The following BIN2 variants were observed in gnomAD, a reference collection of about 807,000 sequenced individuals.
BIN2 encodes breast cancer associated protein BRAP1.
A neutral mutation model predicts 67.9 loss-of-function variants in BIN2; 43 were observed. The observed-to-expected ratio is 0.63, with a 90% CI of 0.50 to 0.82. The LOEUF (loss-of-function observed/expected upper bound fraction) is 0.82, where lower values mean the gene tolerates loss of function less well. BIN2 is among the 40% of genes least tolerant of loss of function. BIN2 has a pLI of 0.00. For synonymous variants in BIN2, 244 were observed against 246.8 expected (o/e 0.99, Z 0.11); for missense variants, 581 against 671.6 (o/e 0.87, Z 1.49).
chr12:51,284,248 C>T (rs77372820), intron 12 of BIN2, among the ~76,000 whole-genome samples: 3 of 152,098 alleles, frequency 2.0e-5, no homozygotes, highest in Admixed American at 6.6e-5. Flanking sequence ...ATATTAACCA[C>T]TGTGTCACAG....
rs1393197417 is a variant in BIN2 at position 51,292,236 on chromosome 12, A to T, written c.870T>A (p.Ser290Arg). 6.2e-7 allele frequency: 1 copy of T among 1,606,708 alleles called. No homozygotes were observed. Among genetic ancestry groups the T allele is most frequent in the African/African-American group, 1.3e-5 (1 of 74,786 alleles). The change falls in exon 10 of 13, where the codon AGT (serine) becomes AGA (arginine). Residue 290 changes from serine (S) to arginine (R), a missense_variant. Coordinates refer to ENST00000615107, the MANE Select transcript of BIN2 (RefSeq NM_016293.4). ...SPSTLSLKSE[S>R]ESVSATEDLA... ...GATCTTCAGTTGCTGAGACAGATTCACTCTCACTCTTCAAGGAAAGTGTAG... is the reference window on the plus strand; with the variant it reads ...GATCTTCAGTTGCTGAGACAGATTCTCTCTCACTCTTCAAGGAAAGTGTAG...
chr12:51,297,379 T>C (rs763634686), intron 7 of BIN2: 49 of 381,044 alleles, frequency 1.3e-4, no homozygotes, highest in East Asian at 4.4e-4. Flanking sequence ...CCATCCTGGC[T>C]AACATGGTAA....
Position 51,299,710 on chromosome 12 carries a change from C to G in BIN2, c.413G>C (p.Arg138Thr), listed in dbSNP as rs774523510. 1 of 1,614,076 alleles carries G rather than the reference C, an allele frequency of 6.2e-7. No homozygotes were observed. Residue 138 changes from arginine (R) to threonine (T), a missense_variant, in exon 6 of 13, where the codon AGA becomes ACA. Physicochemically the swap from Arg to Thr is moderately conservative, Grantham distance 71 (BLOSUM62 -1). Transcript: ENST00000615107. ...GAGTTTCCGACCCCGCTTGGCAATT[C>G]TCTCCTGACCCAGGGTAATGAGAAA... ...YVAQFSEIKE[R>T]IAKRGRKLVD...
At chr12:51,284,885 A>G (rs1355162673) in intron 11 of BIN2, 98 bp from the exon 12 acceptor site, 10 of 912,694 alleles carry the variant, frequency 1.1e-5, no homozygotes, top group Non-Finnish European at 1.8e-5. Flanking sequence ...CAAGGGTCTC[A>G]GTATTTGTAC....
intron 9 of BIN2, among the ~76,000 whole-genome samples, 159 bp downstream of exon 9, chr12:51,295,637 A>G (rs1945545582): frequency 7.1e-6 from 1 of 141,468 alleles, no homozygotes; most frequent in Non-Finnish European, 1.5e-5. Flanking sequence ...TATATTTAGT[A>G]AAAAGCAAAA....
intron 10 of BIN2, 137 bp from the exon 11 acceptor site, chr12:51,288,325 A>G (rs1945293597): frequency 6.2e-6 from 4 of 645,054 alleles, no homozygotes; most frequent in African/African-American, 1.8e-5. Context: ...CACAGGCAGT[A>G]GTAGGGTGGT....
chr12:51,302,701 C>T lies in BIN2; in HGVS notation c.297G>A (p.Leu99=), dbSNP rs763661077. ...CCACTCTTACCCATACGATGGCCTT[C>T]AGCTCCTCATGACCGTCCCACTCGC... ...YSSEWDGHEE[L]KAIVWNNDLL... Residue 99 remains leucine (L), a synonymous_variant, in exon 4 of 13, where the codon CTG becomes CTA. Transcript: ENST00000615107. The T allele has an allele frequency of 7.4e-6, 12 of 1,613,908 alleles. No homozygotes were observed. Among genetic ancestry groups the T allele is most frequent in the East Asian group, 2.2e-5 (1 of 44,898 alleles).
upstream of BIN2, chr12:51,324,616 A>G (rs760856676): frequency 1.7e-5 from 23 of 1,329,076 alleles, no homozygotes; most frequent in Non-Finnish European, 2.0e-5. Context: ...TGGTAGGGAT[A>G]GAGTGCAGAA....
At position 51,291,678 on chromosome 12, in the gene BIN2, T is replaced by C. The variant is rs1049973935; in HGVS notation, c.1428A>G (p.Val476=). Residue 476 remains valine, a synonymous_variant, in exon 10 of 13, where the codon GTA becomes GTG. Coordinates refer to ENST00000615107, the MANE Select transcript of BIN2 (RefSeq NM_016293.4). The part of the protein sequence containing the change: ...SPNPEPPEKP[V]RTPEAKENEN... ...CATTTTCTTTGGCCTCAGGAGTTCT[T>C]ACTGGCTTCTCTGGTGGTTCTGGAT... 25 of 1,613,844 alleles carry C rather than the reference T, an allele frequency of 1.5e-5. No homozygotes were observed. Among genetic ancestry groups the C allele is most frequent in the Non-Finnish European group, 2.0e-5 (24 of 1,179,832 alleles).
intron 6 of BIN2, 26 bp from the exon 7 acceptor site, chr12:51,299,314 T>C (rs1945656862): frequency 6.3e-7 from 1 of 1,593,704 alleles, no homozygotes; most frequent in African/African-American, 1.3e-5. Context: ...GACAAGACAA[T>C]CTCCCTCAAT....
intron 1 of BIN2, among the ~76,000 whole-genome samples, chr12:51,316,328 CAAA>C (rs3059178): frequency 4.9e-5 from 6 of 123,280 alleles, no homozygotes; most frequent in Admixed American, 8.1e-5. Flanking sequence ...ACTAAAAATA[CAAA>C]AAAAAAAAAA....
chr12:51,312,929 T>C (rs544864953), intron 2 of BIN2, among the ~76,000 whole-genome samples: 1 of 152,208 alleles, frequency 6.6e-6, no homozygotes, highest in African/African-American at 2.4e-5. Context: ...TCAACTGATA[T>C]TTATATAGTA....
intron 2 of BIN2, among the ~76,000 whole-genome samples, chr12:51,303,845 T>TA (rs1372373148): frequency 6.6e-6 from 1 of 152,232 alleles, no homozygotes; most frequent in African/African-American, 2.4e-5. Flanking sequence ...GCTTTTGTTA[T>TA]AACTCTGACA....
intron 12 of BIN2, among the ~76,000 whole-genome samples, chr12:51,283,218 C>A (rs1945154549): frequency 6.7e-6 from 1 of 148,976 alleles, no homozygotes; most frequent in Non-Finnish European, 1.5e-5. Context: ...GATTGCACCA[C>A]TGTACACTGT....
At chr12:51,285,200 C>G (rs1945205286) in intron 11 of BIN2, among the ~76,000 whole-genome samples, 1 of 152,166 alleles carries the variant, frequency 6.6e-6, no homozygotes, top group African/African-American at 2.4e-5. Context: ...GATCCTAATT[C>G]ATGACACGCA....
intron 5 of BIN2, among the ~76,000 whole-genome samples, chr12:51,300,167 C>T (rs545706914): frequency 2.5e-4 from 38 of 152,026 alleles, no homozygotes; most frequent in African/African-American, 8.7e-4. Context: ...GGGTTTTGCG[C>T]CCATGGGGTC....
chr12:51,284,685 C>G, intron 12 of BIN2, 31 bp downstream of exon 12: 1 of 1,539,482 alleles, frequency 6.5e-7, no homozygotes, highest in Non-Finnish European at 9.0e-7. Flanking sequence ...CAATCTAATG[C>G]CCAATCTATT....
intron 2 of BIN2, among the ~76,000 whole-genome samples, chr12:51,305,113 G>T (rs1307404828): frequency 6.6e-6 from 1 of 151,970 alleles, no homozygotes; most frequent in Non-Finnish European, 1.5e-5. Context: ...AAGGCAGGTG[G>T]ATCACCCGAG....
chr12:51,317,099 T>A (rs1288314103), intron 1 of BIN2, among the ~76,000 whole-genome samples: 2 of 151,954 alleles, frequency 1.3e-5, no homozygotes, highest in African/African-American at 4.8e-5. Context: ...TGCTCTCGAA[T>A]TCCCGACCTC....
Sources: allele counts gnomAD v4.1 joint callset (sites outside exome capture counted in the v4.1 genomes callset), GRCh38; gene constraint gnomAD v4.1.1; transcripts MANE v1.5; gene names NCBI Gene and HGNC (gene_info 2026-07-23, HGNC 2026-07-21).